Variants in GRIN2A observed in about 807,000 individuals in gnomAD.
GRIN2A encodes the protein glutamate ionotropic receptor NMDA type subunit 2A.
A neutral mutation model predicts 113.4 loss-of-function variants in GRIN2A; 22 were observed. The ratio of observed to expected loss-of-function variants is 0.19; its 90% confidence interval spans 0.14 to 0.28. The LOEUF is 0.28. GRIN2A is among the 10% of genes least tolerant of loss of function. GRIN2A has a pLI of 1.00. For missense variants in GRIN2A, 1,502 were observed against 1,887.0 expected, an observed-to-expected ratio of 0.80 and a Z score of 3.78; for synonymous variants, 827 against 738.4, an observed-to-expected ratio of 1.12 and a Z score of -1.94.
intron 8 of GRIN2A, among the ~76,000 whole-genome samples, chr16:9,833,387 A>G (rs9934936): frequency 0.021 from 3,151 of 152,352 alleles, 112 homozygotes; most frequent in African/African-American, 0.071. Context: ...AAACTAATGT[A>G]AATTGATTCA....
chr16:10,078,122 T>C (rs1344603669), intron 2 of GRIN2A, among the ~76,000 whole-genome samples: 4 of 152,220 alleles, frequency 2.6e-5, no homozygotes, highest in African/African-American at 9.6e-5. Flanking sequence ...TGCATGTCAA[T>C]GCCTCAATAA....
At chr16:9,850,663 T>C (rs2141371676) in intron 4 of GRIN2A, among the ~76,000 whole-genome samples, 1 of 152,142 alleles carries the variant, frequency 6.6e-6, no homozygotes, top group South Asian at 2.1e-4. Context: ...AAAGCATCAT[T>C]TTGACCCCAG....
chr16:10,141,812 T>A (rs1363228759), intron 2 of GRIN2A, among the ~76,000 whole-genome samples: 1 of 152,244 alleles, frequency 6.6e-6, no homozygotes, highest in Non-Finnish European at 1.5e-5. Context: ...ACAAATGAGA[T>A]ACCAGAGCTC....
At chr16:9,928,304 G>C (rs934730606) in intron 3 of GRIN2A, among the ~76,000 whole-genome samples, 1 of 152,182 alleles carries the variant, frequency 6.6e-6, no homozygotes, top group Admixed American at 6.5e-5. Context: ...GGATGATCAG[G>C]AGAGCTTTTG....
intron 5 of GRIN2A, among the ~76,000 whole-genome samples, chr16:9,844,812 C>T (rs2042743219): frequency 6.6e-6 from 1 of 152,114 alleles, no homozygotes; most frequent in South Asian, 2.1e-4. Flanking sequence ...GGCCATTTCT[C>T]GCTACACATC....
At chr16:9,852,218 C>G (rs2042895828) in intron 4 of GRIN2A, among the ~76,000 whole-genome samples, 1 of 152,178 alleles carries the variant, frequency 6.6e-6, no homozygotes, top group African/African-American at 2.4e-5. Context: ...GTGGTGGAAC[C>G]AGAGTTATAA....
intron 3 of GRIN2A, among the ~76,000 whole-genome samples, chr16:9,896,162 G>C (rs1220398962): frequency 6.6e-6 from 1 of 151,912 alleles, no homozygotes; most frequent in African/African-American, 2.4e-5. Flanking sequence ...CAATTATCCT[G>C]CTTCAGCCTC....
chr16:10,127,481 C>A (rs1230718400), intron 2 of GRIN2A, among the ~76,000 whole-genome samples: 1 of 152,148 alleles, frequency 6.6e-6, no homozygotes, highest in Non-Finnish European at 1.5e-5. Context: ...GCCTAACTAC[C>A]ACCGCCCTGG....
chr16:10,096,526 T>A (rs982593098), intron 2 of GRIN2A, among the ~76,000 whole-genome samples: 1 of 87,104 alleles, frequency 1.1e-5, no homozygotes. Flanking sequence ...CAATTTTTTT[T>A]AAATTGTGGT....
rs2141325441 is a variant in GRIN2A, at chr16:9,834,168, C to T, written c.1714G>A (p.Ala572Thr). 1 of 1,613,536 alleles carries T rather than the reference C, an allele frequency of 6.2e-7. No individual in the cohort carries two copies. Among genetic ancestry groups the T allele is most frequent in the Non-Finnish European group, 8.5e-7 (1 of 1,179,460 alleles). ...FVMLLIVSAIAVFVFEYFSPV... is the reference protein window; with the variant it reads ...FVMLLIVSAITVFVFEYFSPV... ...CTGAAGTATTCAAAGACAAAAACAGCTATGGCAGAAACAATGAGCAGCATC... is the reference window on the plus strand; with the variant it reads ...CTGAAGTATTCAAAGACAAAAACAGTTATGGCAGAAACAATGAGCAGCATC... The change falls in exon 8 of 13, where the codon GCT becomes ACT. Residue 572 changes from alanine to threonine, a missense_variant. Physicochemically the swap from Ala to Thr is moderately conservative, Grantham distance 58 (BLOSUM62 0). Transcript: ENST00000330684.
At position 9,764,188 on chromosome 16, in the gene GRIN2A, G is replaced by A. The variant is rs2141133102; in HGVS notation, c.3356C>T (p.Thr1119Ile). 6.2e-7 allele frequency: 1 copy of A among 1,613,688 alleles called. No individual in the cohort carries two copies. The highest frequency in any genetic ancestry group is 8.5e-7 in the Non-Finnish European group (1 of 1,179,798). Residue 1119 changes from threonine to isoleucine, a missense_variant, in exon 13 of 13, where the codon ACT becomes ATT. This residue lies in a region of GRIN2A where 832 missense variants were observed against 789.7 expected (regional missense o/e 1.05). Transcript: ENST00000330684. ...KSSSPRDKIYTIDGEKEPGFH... is the reference protein window; with the variant it reads ...KSSSPRDKIYIIDGEKEPGFH... ...ACCAGGCTCCTTCTCACCATCTATA[G>A]TGTAGATCTTGTCTCTAGGGGAGCT...
At chr16:9,920,480 A>T (rs1313718507) in intron 3 of GRIN2A, among the ~76,000 whole-genome samples, 1 of 152,182 alleles carries the variant, frequency 6.6e-6, no homozygotes, top group East Asian at 1.9e-4. Context: ...AAGAAGTATG[A>T]TGGATCCCTC....
intron 2 of GRIN2A, among the ~76,000 whole-genome samples, chr16:10,159,927 G>A (rs1000305200): frequency 5.9e-5 from 9 of 152,152 alleles, no homozygotes; most frequent in Admixed American, 3.9e-4. Context: ...ACTTGCAGGA[G>A]AAACTGAATT....
chr16:9,965,749 C>G (rs562366065), intron 2 of GRIN2A, among the ~76,000 whole-genome samples: 1 of 152,178 alleles, frequency 6.6e-6, no homozygotes, highest in Non-Finnish European at 1.5e-5. Context: ...TATTTACATT[C>G]TAAAGCAGGG....
At chr16:9,849,215 A>C (rs2042834816) in intron 5 of GRIN2A, among the ~76,000 whole-genome samples, 1 of 144,290 alleles carries the variant, frequency 6.9e-6, no homozygotes, top group African/African-American at 2.5e-5. Flanking sequence ...ATTTCTATAT[A>C]TTTATATATA....
chr16:10,154,157 C>A (rs1036588399), intron 2 of GRIN2A, among the ~76,000 whole-genome samples: 4 of 152,172 alleles, frequency 2.6e-5, no homozygotes, highest in African/African-American at 4.8e-5. Context: ...TATGACTCAC[C>A]ACATCCCCCT....
chr16:9,934,678 TAAAAAAAAAAAAAAA>T (rs33916243), intron 3 of GRIN2A, among the ~76,000 whole-genome samples: 1 of 50,942 alleles, frequency 2.0e-5, no homozygotes, highest in South Asian at 9.3e-4. Context: ...AGACTCTGTC[TAAAAAAAAAAAAAAA>T]AAAAAAAAAA....
At chr16:9,805,119 T>C (rs1004446008) in intron 10 of GRIN2A, among the ~76,000 whole-genome samples, 7 of 152,136 alleles carry the variant, frequency 4.6e-5, no homozygotes, top group Non-Finnish European at 1.0e-4. Context: ...CAAGACTGTT[T>C]ACTGGCAAAT....
At chr16:10,149,020 A>C (rs1398369108) in intron 2 of GRIN2A, among the ~76,000 whole-genome samples, 2 of 152,226 alleles carry the variant, frequency 1.3e-5, no homozygotes, top group African/African-American at 4.8e-5. Flanking sequence ...AAAAATGAAA[A>C]CAGTTGAACC....
Sources: allele counts gnomAD v4.1 joint callset (sites outside exome capture counted in the v4.1 genomes callset), GRCh38; gene constraint gnomAD v4.1.1; regional missense constraint gnomAD v4.1.1; transcripts MANE v1.5; gene names NCBI Gene and HGNC (gene_info 2026-07-23, HGNC 2026-07-21).